MOCS3: variants seen among roughly 807,000 people sequenced by gnomAD.
MOCS3 encodes the protein adenylyltransferase and sulfurtransferase MOCS3.
Under a neutral mutation model 8.4 loss-of-function variants are expected in MOCS3, and 9 were observed. The observed-to-expected ratio is 1.07, with a 90% CI of 0.65 to 1.87. The LOEUF (loss-of-function observed/expected upper bound fraction) is 1.87. Ranked by LOEUF, MOCS3 falls within the 40% of genes most tolerant of loss-of-function variation. MOCS3 has a pLI of 0.00. For missense variants in MOCS3, 581 were observed against 599.7 expected (o/e 0.97, Z 0.33); for synonymous variants, 294 against 272.0 (o/e 1.08, Z -0.80).
rs757568807 is a variant in MOCS3 at position 50,960,146 on chromosome 20, A to G, written c.1304A>G (p.Asp435Gly). ...TCCTTATCAGCAGCTCAAGAGTTAGACCCTTTAACAGTTCGGGATGTTGTG... is the reference window on the plus strand; with the variant it reads ...TCCTTATCAGCAGCTCAAGAGTTAGGCCCTTTAACAGTTCGGGATGTTGTG... Reference protein sequence around the residue: ...LQSLSAAQELDPLTVRDVVGG... With the variant: ...LQSLSAAQELGPLTVRDVVGG... The change falls in exon 1 of 1, where the codon GAC becomes GGC. Residue 435 changes from aspartate to glycine, a missense_variant. Physicochemically the swap from Asp to Gly is moderately conservative, Grantham distance 94 (BLOSUM62 -1). Transcript: ENST00000244051. 1.2e-6 allele frequency: 2 copies of G among 1,614,054 alleles called. No individual in the cohort carries two copies. The highest frequency in any genetic ancestry group is 1.7e-5 in the Admixed American group (1 of 60,000).
chr20:50,961,555 T>C lies in MOCS3; in HGVS notation c.*1330T>C, dbSNP rs1349045623. On this transcript the variant is annotated 3_prime_UTR_variant, in exon 1 of 1. Transcript: ENST00000244051. ...CACAGATACAACTATAAAATCTTTG[T>C]ATTTCTGTTAACCATTTTTTTTAAA... The C allele has an allele frequency of 6.6e-6, 1 of 152,184 alleles. No individual in the cohort carries two copies. Among genetic ancestry groups the C allele is most frequent in the Non-Finnish European group, 1.5e-5 (1 of 68,020 alleles). The allele number at this position is 152,184 out of a possible 1,614,324, so 9.4% of individuals were successfully genotyped here.
rs1568781409 is a variant in MOCS3, at chr20:50,963,099, A to AT, written c.*2880dup. The AT allele has an allele frequency of 6.6e-6, 1 of 151,782 alleles. No individual in the cohort carries two copies. The highest frequency in any genetic ancestry group is 1.5e-5 in the Non-Finnish European group (1 of 67,986). The allele number at this position is 151,782 out of a possible 1,614,324, so 9.4% of individuals were successfully genotyped here. On this transcript the variant is annotated 3_prime_UTR_variant, in exon 1 of 1. Coordinates refer to ENST00000244051, the MANE Select transcript of MOCS3 (RefSeq NM_014484.5). ...TGCCTAGCCATTTTTTAATTTAAAA[A>AT]TTTTTTGGTAGCAATGGGGTCTGAA...
In MOCS3 at chr20:50,963,349, T is replaced by G. The variant is rs1987138866; in HGVS notation, c.*3124T>G. ...TTTCCTGTTGTAGAGGAGTTTATAT[T>G]TAAATGGTGATAAGTAAATTACTGA... On this transcript the variant is annotated 3_prime_UTR_variant, in exon 1 of 1. Coordinates refer to ENST00000244051, the MANE Select transcript of MOCS3 (RefSeq NM_014484.5). 1 of 152,148 alleles carries G rather than the reference T, an allele frequency of 6.6e-6. No individual in the cohort carries two copies. The highest frequency in any genetic ancestry group is 2.4e-5 in the African/African-American group (1 of 41,424). The allele number at this position is 152,148 out of a possible 1,614,324, so 9.4% of individuals were successfully genotyped here.
Position 50,959,893 on chromosome 20 carries a change from C to T in MOCS3, c.1051C>T (p.His351Tyr). The stretch of plus-strand genomic sequence containing the variant: ...GCGACTGCTGGATTCTGGGGCATTC[C>T]ACCTGTTGCTGGACGTCAGGCCTCA... ...YKRLLDSGAFHLLLDVRPQVE... is the reference protein window; with the variant it reads ...YKRLLDSGAFYLLLDVRPQVE... Residue 351 changes from histidine (H) to tyrosine (Y), a missense_variant, in exon 1 of 1, where the codon CAC (histidine) becomes TAC (tyrosine). Coordinates refer to ENST00000244051, the MANE Select transcript of MOCS3 (RefSeq NM_014484.5). The T allele has an allele frequency of 1.2e-6, 2 of 1,614,248 alleles. No individual in the cohort carries two copies. Among genetic ancestry groups the T allele is most frequent in the Non-Finnish European group, 1.7e-6 (2 of 1,180,034 alleles).
In MOCS3 at chr20:50,960,370, T is replaced by TA. The variant is rs1987076748; in HGVS notation, c.*150dup. 1 of 810,728 alleles carries TA rather than the reference T, an allele frequency of 1.2e-6. No individual in the cohort carries two copies. Among genetic ancestry groups the TA allele is most frequent in the African/African-American group, 1.7e-5 (1 of 57,706 alleles). 50.2% of individuals were successfully genotyped at this position (810,728 alleles called of 1,614,324 possible). ...GTGGACTCCTTTTTATAAGGAGTTT[T>TA]AAAAATTGTTATGTATTGGATGAAT... On this transcript the variant is annotated 3_prime_UTR_variant, in exon 1 of 1. Coordinates refer to ENST00000244051, the MANE Select transcript of MOCS3 (RefSeq NM_014484.5).
chr20:50,961,936 G>A lies in MOCS3; in HGVS notation c.*1711G>A, dbSNP rs1050440798. ...TCTGATACATAGCAGGAAACAAATA[G>A]CGACACACAGGAACAATTTCATATT... On this transcript the variant is annotated 3_prime_UTR_variant, in exon 1 of 1. Coordinates refer to ENST00000244051, the MANE Select transcript of MOCS3 (RefSeq NM_014484.5). 6.6e-6 allele frequency: 1 copy of A among 152,122 alleles called. No homozygotes were observed. The highest frequency in any genetic ancestry group is 2.4e-5 in the African/African-American group (1 of 41,408). 9.4% of individuals were successfully genotyped at this position (152,122 alleles called of 1,614,324 possible).
At position 50,959,062 on chromosome 20, in the gene MOCS3, G is replaced by T; in HGVS notation, c.220G>T (p.Val74Leu). The T allele has an allele frequency of 6.2e-7, 1 of 1,613,082 alleles. No homozygotes were observed. The highest frequency in any genetic ancestry group is 1.7e-5 in the Admixed American group (1 of 60,014). The change falls in exon 1 of 1, where the codon GTG becomes TTG. Residue 74 changes from valine (V) to leucine (L), a missense_variant. Physicochemically the swap from Val to Leu is conservative, Grantham distance 32 (BLOSUM62 1). Transcript: ENST00000244051. The stretch of plus-strand genomic sequence containing the variant: ...GCAGCTAGTGCTGCCCGAGCTGGGC[G>T]TGCACGGACAGCTGCGCCTGGGGAC... ...SRQLVLPELG[V>L]HGQLRLGTAC...
At position 50,959,011 on chromosome 20, in the gene MOCS3, C is replaced by A; in HGVS notation, c.169C>A (p.Arg57=). 6.2e-7 allele frequency: 1 copy of A among 1,612,016 alleles called. No individual in the cohort carries two copies. The highest frequency in any genetic ancestry group is 8.5e-7 in the Non-Finnish European group (1 of 1,179,028). The change falls in exon 1 of 1, where the codon CGA becomes AGA. Residue 57 remains arginine (R), a synonymous_variant. Coordinates refer to ENST00000244051, the MANE Select transcript of MOCS3 (RefSeq NM_014484.5). ...SPLPPKAALS[R]DEILRYSRQL... ...GCTGCCGCCGAAGGCCGCTCTGTCCCGAGATGAGATTCTGCGCTATAGCCG... is the reference window on the plus strand; with the variant it reads ...GCTGCCGCCGAAGGCCGCTCTGTCCAGAGATGAGATTCTGCGCTATAGCCG...
Position 50,960,097 on chromosome 20 carries a change from C to G in MOCS3, c.1255C>G (p.Gln419Glu). 6.2e-7 allele frequency: 1 copy of G among 1,614,256 alleles called. No individual in the cohort carries two copies. Among genetic ancestry groups the G allele is most frequent in the Non-Finnish European group, 8.5e-7 (1 of 1,180,042 alleles). The change falls in exon 1 of 1, where the codon CAG becomes GAG. Residue 419 changes from glutamine (Q) to glutamate (E), a missense_variant. By Grantham distance (29) the Gln-to-Glu change is conservative. Transcript: ENST00000244051. ...YVICKLGNDS[Q>E]KAVKILQSLS... ...GATTTGCAAACTGGGAAATGACTCACAGAAAGCCGTGAAGATCCTCCAGTC... is the reference window on the plus strand; with the variant it reads ...GATTTGCAAACTGGGAAATGACTCAGAGAAAGCCGTGAAGATCCTCCAGTC...
chr20:50,959,756 CTG>C lies in MOCS3; in HGVS notation c.917_918del (p.Val306AspfsTer2). On this transcript the variant is annotated frameshift_variant, in exon 1 of 1. Transcript: ENST00000244051. LOFTEE classifies it low-confidence loss of function (END_TRUNC). ...TGTGCAGCTTGCGGGGAACGGCCCACTGTGACTGATCTGCTGGACTATGAAGC... is the reference window on the plus strand; with the variant it reads ...TGTGCAGCTTGCGGGGAACGGCCCACTGACTGATCTGCTGGACTATGAAGC... 1.2e-6 allele frequency: 2 copies of C among 1,614,276 alleles called. No homozygotes were observed. Among genetic ancestry groups the C allele is most frequent in the Non-Finnish European group, 1.7e-6 (2 of 1,180,050 alleles).
Position 50,958,994 on chromosome 20 carries a change from C to T in MOCS3, c.152C>T (p.Pro51Leu). Reference protein sequence around the residue: ...ERLVPVSPLPPKAALSRDEIL... With the variant: ...ERLVPVSPLPLKAALSRDEIL... ...CTGGTTCCGGTGTCGCCGCTGCCGCCGAAGGCCGCTCTGTCCCGAGATGAG... is the reference window on the plus strand; with the variant it reads ...CTGGTTCCGGTGTCGCCGCTGCCGCTGAAGGCCGCTCTGTCCCGAGATGAG... The change falls in exon 1 of 1, where the codon CCG (proline) becomes CTG (leucine). Residue 51 changes from proline to leucine, a missense_variant. Physicochemically the swap from Pro to Leu is moderately conservative, Grantham distance 98. Transcript: ENST00000244051. 1 of 1,609,670 alleles carries T rather than the reference C, an allele frequency of 6.2e-7. No individual in the cohort carries two copies. The highest frequency in any genetic ancestry group is 8.5e-7 in the Non-Finnish European group (1 of 1,177,206).
Position 50,959,502 on chromosome 20 carries a change from C to T in MOCS3, c.660C>T (p.Gly220=). ...TCACAGTCTACCATTATGACGGTGG[C>T]CCTTGCTATCGCTGCATATTCCCCC... ...GQITVYHYDG[G]PCYRCIFPQP... The change falls in exon 1 of 1, where the codon GGC becomes GGT. Residue 220 remains glycine, a synonymous_variant. Coordinates refer to ENST00000244051, the MANE Select transcript of MOCS3 (RefSeq NM_014484.5). 1 of 1,614,142 alleles carries T rather than the reference C, an allele frequency of 6.2e-7. No individual in the cohort carries two copies. The highest frequency in any genetic ancestry group is 8.5e-7 in the Non-Finnish European group (1 of 1,180,042).
Position 50,960,959 on chromosome 20 carries a change from G to A in MOCS3, c.*734G>A, listed in dbSNP as rs1987093176. ...GGGTTTCACCATGTTTGTCAGGCTG[G>A]TCTCGAACTCCTGACCTCGTGATCC... is the stretch of plus-strand genomic sequence containing the variant. On this transcript the variant is annotated 3_prime_UTR_variant, in exon 1 of 1. Coordinates refer to ENST00000244051, the MANE Select transcript of MOCS3 (RefSeq NM_014484.5). 6.1e-6 allele frequency: 1 copy of A among 164,198 alleles called. No homozygotes were observed. The highest frequency in any genetic ancestry group is 2.1e-4 in the South Asian group (1 of 4,830). 10.2% of individuals were successfully genotyped at this position (164,198 alleles called of 1,614,324 possible).
Position 50,960,255 on chromosome 20 carries a change from G to A in MOCS3, c.*30G>A. The A allele has an allele frequency of 6.4e-7, 1 of 1,560,902 alleles. No individual in the cohort carries two copies. Among genetic ancestry groups the A allele is most frequent in the Non-Finnish European group, 8.7e-7 (1 of 1,152,288 alleles). ...ACTGGTATAGTCTGATGAGAAAGAT[G>A]TGGATTGCCATAATACCTCAAAGAT... On this transcript the variant is annotated 3_prime_UTR_variant, in exon 1 of 1. Coordinates refer to ENST00000244051, the MANE Select transcript of MOCS3 (RefSeq NM_014484.5).
rs764521268 is a variant in MOCS3 at position 50,960,190 on chromosome 20, G to T, written c.1348G>T (p.Ala450Ser). 1 of 1,613,896 alleles carries T rather than the reference G, an allele frequency of 6.2e-7. No individual in the cohort carries two copies. Among genetic ancestry groups the T allele is most frequent in the South Asian group, 1.1e-5 (1 of 91,074 alleles). Residue 450 changes from alanine to serine, a missense_variant, in exon 1 of 1, where the codon GCT (alanine) becomes TCT (serine). Coordinates refer to ENST00000244051, the MANE Select transcript of MOCS3 (RefSeq NM_014484.5). ...TGTTGTGGGGGGCCTCATGGCCTGGGCTGCCAAAATCGATGGAACATTTCC... is the reference window on the plus strand; with the variant it reads ...TGTTGTGGGGGGCCTCATGGCCTGGTCTGCCAAAATCGATGGAACATTTCC... ...RDVVGGLMAW[A>S]AKIDGTFPQY
At position 50,962,538 on chromosome 20, in the gene MOCS3, A is replaced by G. The variant is rs1304115968; in HGVS notation, c.*2313A>G. 1 of 152,154 alleles carries G rather than the reference A, an allele frequency of 6.6e-6. No homozygotes were observed. The highest frequency in any genetic ancestry group is 1.9e-4 in the East Asian group (1 of 5,196). 9.4% of individuals were successfully genotyped at this position (152,154 alleles called of 1,614,324 possible). On this transcript the variant is annotated 3_prime_UTR_variant, in exon 1 of 1. Coordinates refer to ENST00000244051, the MANE Select transcript of MOCS3 (RefSeq NM_014484.5). Reference sequence around the variant, plus strand: ...GTACACAACCCAGATCTATTTCAGTATTTGTTTTTTGTTGTTGTTGTTTTG... The same window carrying G: ...GTACACAACCCAGATCTATTTCAGTGTTTGTTTTTTGTTGTTGTTGTTTTG...
rs1328517704 is a variant in MOCS3 at position 50,960,780 on chromosome 20, G to C, written c.*555G>C. 6.6e-6 allele frequency: 1 copy of C among 152,202 alleles called. No individual in the cohort carries two copies. Among genetic ancestry groups the C allele is most frequent in the Non-Finnish European group, 1.5e-5 (1 of 67,192 alleles). 9.4% of individuals were successfully genotyped at this position (152,202 alleles called of 1,614,324 possible). A position where few individuals can be genotyped will look rare whatever the true frequency, so the allele number is the denominator to read the frequency against. On this transcript the variant is annotated 3_prime_UTR_variant, in exon 1 of 1. Coordinates refer to ENST00000244051, the MANE Select transcript of MOCS3 (RefSeq NM_014484.5). Reference sequence around the variant, plus strand: ...TTTTTTTGAGATGGAATCTCTCTCTGTTGCCCAGGCTGGAGTGTAGTGGTG... The same window carrying C: ...TTTTTTTGAGATGGAATCTCTCTCTCTTGCCCAGGCTGGAGTGTAGTGGTG...
rs7269297 is a variant in MOCS3, at chr20:50,960,127, T to G, written c.1285T>G (p.Ser429Ala). 0.01 allele frequency: 16,595 copies of G among 1,614,230 alleles called. 125 individuals carry two copies. The highest frequency in any genetic ancestry group is 0.013 in the Non-Finnish European group (15,076 of 1,180,040). The change falls in exon 1 of 1, where the codon TCA becomes GCA. Residue 429 changes from serine (S) to alanine (A), a missense_variant. Ser to Ala is a moderately conservative substitution (Grantham distance 99). Transcript: ENST00000244051. ...QKAVKILQSLSAAQELDPLTV... is the reference protein window; with the variant it reads ...QKAVKILQSLAAAQELDPLTV... ...AGCCGTGAAGATCCTCCAGTCCTTA[T>G]CAGCAGCTCAAGAGTTAGACCCTTT...
In MOCS3 at chr20:50,959,638, G is replaced by A; in HGVS notation, c.796G>A (p.Gly266Ser). The A allele has an allele frequency of 6.2e-7, 1 of 1,614,202 alleles. No homozygotes were observed. The highest frequency in any genetic ancestry group is 2.2e-5 in the East Asian group (1 of 44,876). ...QALEVLKIAA[G>S]LGPSYSGSLL... ...CTTGGAAGTGCTGAAAATCGCTGCG[G>A]GTCTGGGCCCCTCTTACAGTGGCAG... The change falls in exon 1 of 1, where the codon GGT becomes AGT. Residue 266 changes from glycine (G) to serine (S), a missense_variant. By Grantham distance (56) the Gly-to-Ser change is moderately conservative. Coordinates refer to ENST00000244051, the MANE Select transcript of MOCS3 (RefSeq NM_014484.5).
Sources: allele counts gnomAD v4.1 joint callset, GRCh38; gene constraint gnomAD v4.1.1; transcripts MANE v1.5; gene names NCBI Gene and HGNC (gene_info 2026-07-23, HGNC 2026-07-21).